Variants in ATXN1 observed in about 807,000 individuals in gnomAD.
ATXN1 encodes the protein ataxin-1.
ATXN1 carries 8 observed loss-of-function variants against 56.4 expected under a neutral mutation model. The ratio of observed to expected loss-of-function variants is 0.14; its 90% CI spans 0.08 to 0.26. The LOEUF (loss-of-function observed/expected upper bound fraction) is 0.26. Among genes scored for constraint, ATXN1 ranks in the 10% least tolerant of loss-of-function variants. The pLI, the probability that ATXN1 is intolerant of heterozygous loss-of-function variation, is 1.00. For synonymous variants in ATXN1, 514 were observed against 494.6 expected, an observed-to-expected ratio of 1.04 and a Z score of -0.52; for missense variants, 987 against 1,106.5, an observed-to-expected ratio of 0.89 and a Z score of 1.53.
chr6:16,396,205 T>C (rs1324522110), intron 6 of ATXN1, among the ~76,000 whole-genome samples: 1 of 151,898 alleles, frequency 6.6e-6, no homozygotes, highest in East Asian at 1.9e-4. Flanking sequence ...ATCATGACCC[T>C]GTGTGGGGCT....
chr6:16,557,442 C>T (rs764539739), intron 4 of ATXN1, among the ~76,000 whole-genome samples: 24 of 151,456 alleles, frequency 1.6e-4, no homozygotes, highest in Non-Finnish European at 2.8e-4. Context: ...AATAGAAAGT[C>T]AATATCAAGA....
At chr6:16,718,728 C>T (rs1365035198) in intron 2 of ATXN1, among the ~76,000 whole-genome samples, 1 of 152,206 alleles carries the variant, frequency 6.6e-6, no homozygotes, top group Non-Finnish European at 1.5e-5. Context: ...AAGAACATTT[C>T]CCCTGCTGTT....
At chr6:16,314,342 C>T (rs1760464161) in intron 7 of ATXN1, among the ~76,000 whole-genome samples, 1 of 152,160 alleles carries the variant, frequency 6.6e-6, no homozygotes, top group Non-Finnish European at 1.5e-5. Context: ...GTTAACTGAT[C>T]ATTAACCGTT....
intron 6 of ATXN1, among the ~76,000 whole-genome samples, chr6:16,373,563 C>T (rs1419546678): frequency 6.6e-6 from 1 of 152,142 alleles, no homozygotes; most frequent in Non-Finnish European, 1.5e-5. Flanking sequence ...ATCGTAGCTC[C>T]CACAATTCCC....
chr6:16,494,131 TGG>T (rs1760727055), intron 5 of ATXN1, among the ~76,000 whole-genome samples: 1 of 150,424 alleles, frequency 6.6e-6, no homozygotes, highest in Admixed American at 6.6e-5. Context: ...AGTGCAGGGC[TGG>T]ACTGAGAGGC....
chr6:16,698,790 A>C (rs1355945789), intron 2 of ATXN1, among the ~76,000 whole-genome samples: 1 of 152,156 alleles, frequency 6.6e-6, no homozygotes, highest in African/African-American at 2.4e-5. Flanking sequence ...AGGAGTGGTC[A>C]TTTAACCGCA....
intron 6 of ATXN1, among the ~76,000 whole-genome samples, chr6:16,384,844 A>ACCTCTTTT (rs1758205401): frequency 1.3e-5 from 2 of 151,782 alleles, no homozygotes; most frequent in African/African-American, 4.8e-5. Flanking sequence ...AGCCAATTAA[A>ACCTCTTTT]CCTCTTTTCT....
At chr6:16,745,008 T>C (rs16879003) in intron 2 of ATXN1, among the ~76,000 whole-genome samples, 11,435 of 152,248 alleles carry the variant, frequency 0.075, 502 homozygotes, top group East Asian at 0.12. Flanking sequence ...AGACTTCCAT[T>C]TGCTAATTGT....
intron 2 of ATXN1, among the ~76,000 whole-genome samples, chr6:16,710,829 C>A (rs6906830): frequency 0.36 from 55,346 of 151,988 alleles, 11,259 homozygotes; most frequent in East Asian, 0.79. Context: ...CTCAAGCAAT[C>A]TTTCTGCCTC....
At chr6:16,522,975 C>G (rs746371925) in intron 4 of ATXN1, among the ~76,000 whole-genome samples, 83 of 152,236 alleles carry the variant, frequency 5.5e-4, no homozygotes, top group Non-Finnish European at 2.9e-4. Flanking sequence ...TTGTGGTGCC[C>G]AAGAAATCAA....
intron 5 of ATXN1, among the ~76,000 whole-genome samples, chr6:16,488,647 T>C (rs1437971785): frequency 6.6e-6 from 1 of 152,188 alleles, no homozygotes; most frequent in African/African-American, 2.4e-5. Flanking sequence ...CCTACAACAT[T>C]AAAGCATCAT....
At chr6:16,521,710 T>C (rs1038271321) in intron 5 of ATXN1, among the ~76,000 whole-genome samples, 2 of 152,256 alleles carry the variant, frequency 1.3e-5, no homozygotes, top group African/African-American at 4.8e-5. Context: ...GCAGCTGGAC[T>C]GCACACACCT....
intron 6 of ATXN1, among the ~76,000 whole-genome samples, chr6:16,389,051 T>C (rs964800909): frequency 8.5e-5 from 13 of 152,198 alleles, no homozygotes; most frequent in East Asian, 1.9e-4. Context: ...AAAAAGATGA[T>C]AGTGGCCCGG....
chr6:16,557,514 C>G (rs1227196420), intron 4 of ATXN1, among the ~76,000 whole-genome samples: 1 of 152,018 alleles, frequency 6.6e-6, no homozygotes, highest in Non-Finnish European at 1.5e-5. Flanking sequence ...AATTAGAAAG[C>G]TAATTCTGAA....
At chr6:16,742,072 T>A (rs775771166) in intron 2 of ATXN1, among the ~76,000 whole-genome samples, 1 of 152,200 alleles carries the variant, frequency 6.6e-6, no homozygotes, top group African/African-American at 2.4e-5. Flanking sequence ...AGCAAAGTTG[T>A]ATGGAAAGAG....
intron 6 of ATXN1, among the ~76,000 whole-genome samples, chr6:16,338,365 C>G (rs530374105): frequency 2.0e-5 from 3 of 152,082 alleles, no homozygotes; most frequent in African/African-American, 7.2e-5. Context: ...TGGTGGCAGG[C>G]GCCTGTAGTC....
intron 2 of ATXN1, among the ~76,000 whole-genome samples, chr6:16,693,539 A>G (rs920127642): frequency 6.6e-6 from 1 of 152,216 alleles, no homozygotes; most frequent in African/African-American, 2.4e-5. Flanking sequence ...TTTAATACTA[A>G]GCATCAGTTC....
At chr6:16,405,649 G>A (rs752987854) in intron 6 of ATXN1, among the ~76,000 whole-genome samples, 3 of 152,316 alleles carry the variant, frequency 2.0e-5, no homozygotes, top group East Asian at 1.9e-4. Context: ...TCTGGCGGCC[G>A]AAGCATCCAA....
At chr6:16,401,207 C>T (rs920468333) in intron 6 of ATXN1, among the ~76,000 whole-genome samples, 5 of 152,122 alleles carry the variant, frequency 3.3e-5, no homozygotes, top group Non-Finnish European at 5.9e-5. Flanking sequence ...CTGGTTGTAG[C>T]GAGGGTTGGC....
Sources: gnomAD v4.1 joint callset for allele counts (sites outside exome capture counted in the v4.1 genomes callset) on GRCh38, gnomAD v4.1.1 for gene constraint, MANE v1.5 for transcripts, NCBI Gene and HGNC (gene_info 2026-07-23, HGNC 2026-07-21) for gene names.